Variants in VEZT observed in about 807,000 individuals in gnomAD.
VEZT encodes vezatin, adherens junctions transmembrane protein.
A neutral mutation model predicts 79.9 loss-of-function variants in VEZT; 39 were observed. The ratio of observed to expected loss-of-function variants is 0.49; its 90% CI spans 0.38 to 0.64. The LOEUF (loss-of-function observed/expected upper bound fraction) is 0.64. Ranked by LOEUF, VEZT falls within the 30% of genes least tolerant of loss-of-function variation. The pLI, the probability that VEZT is intolerant of heterozygous loss-of-function variation, is 0.00. For synonymous variants in VEZT, 325 were observed against 327.6 expected (o/e 0.99, Z 0.09); for missense variants, 837 against 893.1 (o/e 0.94, Z 0.80).
chr12:95,235,519 G>A (rs1355879209), intron 1 of VEZT, among the ~76,000 whole-genome samples: 6 of 140,414 alleles, frequency 4.3e-5, no homozygotes, highest in Non-Finnish European at 6.3e-5. Context: ...CCTCCCGGAC[G>A]GGGCAGCTGG....
intron 1 of VEZT, among the ~76,000 whole-genome samples, chr12:95,238,586 C>G (rs1249520830): frequency 6.6e-6 from 1 of 152,166 alleles, no homozygotes; most frequent in Admixed American, 6.5e-5. Context: ...ATTCAGTAGG[C>G]TACTTTCCTG....
chr12:95,225,761 C>CAA (rs531470163), intron 1 of VEZT, among the ~76,000 whole-genome samples: 447 of 40,814 alleles, frequency 0.011, 13 homozygotes, highest in Middle Eastern at 0.019. Flanking sequence ...TGTTTCATAG[C>CAA]AAAAAAAAAA....
At chr12:95,284,959 G>T (rs558733685) in intron 8 of VEZT, among the ~76,000 whole-genome samples, 3 of 151,980 alleles carry the variant, frequency 2.0e-5, no homozygotes, top group South Asian at 2.1e-4. Flanking sequence ...GGTGGCAGGC[G>T]CCTGTAGTCC....
At chr12:95,267,413 T>C (rs1054770716) in intron 5 of VEZT, among the ~76,000 whole-genome samples, 1 of 152,026 alleles carries the variant, frequency 6.6e-6, no homozygotes, top group Non-Finnish European at 1.5e-5. Context: ...TAATAATTTA[T>C]ATAACCTATA....
rs1002796744 is a variant in VEZT at position 95,266,448 on chromosome 12, C to A, written c.526C>A (p.Leu176Ile). The stretch of plus-strand genomic sequence containing the variant: ...TTCCTGGCTGGTATGGGGAGTGATT[C>A]TATTTGTGTATCTGGTCATAAGAGC... Reference protein sequence around the residue: ...VSSWLVWGVILFVYLVIRALR... With the variant: ...VSSWLVWGVIIFVYLVIRALR... Residue 176 changes from leucine (L) to isoleucine (I), a missense_variant, in exon 5 of 12, where the codon CTA becomes ATA. Transcript: ENST00000436874. The A allele has an allele frequency of 2.5e-6, 4 of 1,613,812 alleles. No homozygotes were observed. Among genetic ancestry groups the A allele is most frequent in the Non-Finnish European group, 3.4e-6 (4 of 1,179,860 alleles).
chr12:95,272,727 A>G (rs2066874439), intron 6 of VEZT, among the ~76,000 whole-genome samples: 1 of 152,248 alleles, frequency 6.6e-6, no homozygotes, highest in African/African-American at 2.4e-5. Flanking sequence ...GCAGCTGCAC[A>G]GCAGCAACTT....
Position 95,217,822 on chromosome 12 carries a change from T to C in VEZT, c.-29T>C, listed in dbSNP as rs750708322. On this transcript the variant is annotated 5_prime_UTR_variant, in exon 1 of 12. Transcript: ENST00000436874. ...GTACTCCCGCCTTCATTTCCCATCG[T>C]GCTGAGGCGGGTGGCATGGCGGAGA... is the stretch of plus-strand genomic sequence containing the variant. 5 of 1,549,622 alleles carry C rather than the reference T, an allele frequency of 3.2e-6. No individual in the cohort carries two copies. The highest frequency in any genetic ancestry group is 4.3e-6 in the Non-Finnish European group (5 of 1,152,884).
chr12:95,264,672 A>G (rs944362902), intron 4 of VEZT, among the ~76,000 whole-genome samples: 2 of 151,926 alleles, frequency 1.3e-5, no homozygotes, highest in African/African-American at 4.8e-5. Flanking sequence ...CCTGAACTCA[A>G]GTGATCTGCC....
chr12:95,223,142 G>T (rs2057879414), intron 1 of VEZT, among the ~76,000 whole-genome samples: 2 of 152,020 alleles, frequency 1.3e-5, no homozygotes, highest in African/African-American at 4.8e-5. Flanking sequence ...ACTTGTCTAA[G>T]CTTCAGTTTT....
At chr12:95,274,180 C>T (rs866569507) in intron 6 of VEZT, among the ~76,000 whole-genome samples, 3 of 152,080 alleles carry the variant, frequency 2.0e-5, no homozygotes, top group Non-Finnish European at 4.4e-5. Context: ...TCAAAAATAA[C>T]GGAGCTGAGC....
intron 1 of VEZT, among the ~76,000 whole-genome samples, chr12:95,233,948 C>T (rs967966655): frequency 7.9e-5 from 12 of 152,040 alleles, no homozygotes; most frequent in East Asian, 1.9e-4. Context: ...GCTAGGTCAA[C>T]GGATATTTGC....
chr12:95,268,394 A>G (rs1235501797), intron 5 of VEZT, among the ~76,000 whole-genome samples: 1 of 152,092 alleles, frequency 6.6e-6, no homozygotes, highest in East Asian at 1.9e-4. Context: ...GCTACCCGGG[A>G]GGCTGAGGCA....
intron 8 of VEZT, among the ~76,000 whole-genome samples, chr12:95,285,259 A>G (rs2070414453): frequency 6.6e-6 from 1 of 151,666 alleles, no homozygotes; most frequent in Non-Finnish European, 1.5e-5. Context: ...CCTAAGCAAC[A>G]TGGGAAACCC....
chr12:95,290,405 T>C (rs1381073968), intron 9 of VEZT, among the ~76,000 whole-genome samples: 1 of 152,224 alleles, frequency 6.6e-6, no homozygotes, highest in Non-Finnish European at 1.5e-5. Flanking sequence ...AGCTAGGCTT[T>C]GGGAGGTGAC....
chr12:95,286,785 T>C, intron 8 of VEZT: 1 of 433,908 alleles, frequency 2.3e-6, no homozygotes, highest in Non-Finnish European at 4.6e-6. Flanking sequence ...ACTTTTTTAC[T>C]TTTCCATTCT....
chr12:95,236,388 G>A (rs376900339), intron 1 of VEZT, among the ~76,000 whole-genome samples: 6 of 152,130 alleles, frequency 3.9e-5, no homozygotes, highest in African/African-American at 7.2e-5. Flanking sequence ...GTCCAGCTTC[G>A]GCTCGGCATC....
At chr12:95,266,750 T>C in intron 5 of VEZT, 118 bp downstream of exon 5, 1 of 981,330 alleles carries the variant, frequency 1.0e-6, no homozygotes, top group Non-Finnish European at 1.4e-6. Flanking sequence ...TGCTTTTCTC[T>C]TTAGTACTTA....
intron 7 of VEZT, among the ~76,000 whole-genome samples, chr12:95,278,423 A>C (rs1183821736): frequency 6.6e-6 from 1 of 152,188 alleles, no homozygotes; most frequent in Non-Finnish European, 1.5e-5. Context: ...TACAGTTACC[A>C]CATTTATCAG....
intron 7 of VEZT, among the ~76,000 whole-genome samples, chr12:95,276,174 T>A (rs1004908172): frequency 2.0e-5 from 3 of 151,766 alleles, no homozygotes; most frequent in Admixed American, 1.3e-4. Flanking sequence ...ACCAAAGATA[T>A]ACCCAAAGTA....
Sources: gnomAD v4.1 joint callset for allele counts (sites outside exome capture counted in the v4.1 genomes callset) on GRCh38, gnomAD v4.1.1 for gene constraint, MANE v1.5 for transcripts, NCBI Gene and HGNC (gene_info 2026-07-23, HGNC 2026-07-21) for gene names.